The following ARHGEF11 variants were observed in gnomAD, a reference collection of about 807,000 sequenced individuals.
ARHGEF11 encodes the protein Rho guanine exchange factor (GEF) 11.
A neutral mutation model predicts 193.7 loss-of-function variants in ARHGEF11; 55 were observed. That is an observed-to-expected ratio of 0.28 (90% CI 0.23 to 0.36). ARHGEF11 has a LOEUF of 0.36. Ranked by LOEUF, ARHGEF11 falls within the 10% of genes least tolerant of loss-of-function variation. ARHGEF11 has a pLI of 1.00. For synonymous variants in ARHGEF11, 693 were observed against 768.0 expected (o/e 0.90, Z 1.62); for missense variants, 1,723 against 2,005.6 (o/e 0.86, Z 2.69).
chr1:156,970,500 A>T (rs888329225), intron 8 of ARHGEF11, among the ~76,000 whole-genome samples: 2 of 152,226 alleles, frequency 1.3e-5, no homozygotes, highest in Non-Finnish European at 1.5e-5. Flanking sequence ...TGCTGTTTAC[A>T]AAGCACTTTT....
intron 1 of ARHGEF11, among the ~76,000 whole-genome samples, chr1:156,998,183 C>T (rs1238623020): frequency 2.6e-5 from 4 of 152,140 alleles, no homozygotes; most frequent in African/African-American, 4.8e-5. Flanking sequence ...AAGCAGAGCC[C>T]GGCTCTGAGG....
At chr1:156,989,348 TG>T (rs2102523476) in intron 1 of ARHGEF11, among the ~76,000 whole-genome samples, 1 of 152,262 alleles carries the variant, frequency 6.6e-6, no homozygotes, top group South Asian at 2.1e-4. Context: ...GCCTCATGCC[TG>T]GATTACTGAA....
At chr1:157,021,661 CAA>C (rs35766957) in intron 1 of ARHGEF11, among the ~76,000 whole-genome samples, 1 of 152,046 alleles carries the variant, frequency 6.6e-6, no homozygotes, top group Non-Finnish European at 1.5e-5. Context: ...AGACTAAATT[CAA>C]AAGTCTTGCA....
intron 18 of ARHGEF11, 55 bp from the exon 19 acceptor site, chr1:156,956,619 C>A: frequency 6.2e-7 from 1 of 1,606,480 alleles, no homozygotes. Flanking sequence ...CTTCCCTGTG[C>A]CAAACAATCT....
intron 13 of ARHGEF11, 138 bp downstream of exon 13, chr1:156,963,065 C>T (rs1661188190): frequency 9.0e-6 from 6 of 669,236 alleles, no homozygotes; most frequent in South Asian, 7.2e-5. Flanking sequence ...ATCTTCTTGG[C>T]TATTTTGTCT....
chr1:157,007,254 TGA>T (rs1401084974), intron 1 of ARHGEF11, among the ~76,000 whole-genome samples: 1 of 151,782 alleles, frequency 6.6e-6, no homozygotes, highest in African/African-American at 2.4e-5. Context: ...AGCAAGAGAA[TGA>T]GAGAATAAAA....
intron 1 of ARHGEF11, among the ~76,000 whole-genome samples, chr1:157,011,445 C>A (rs1241096381): frequency 5.9e-5 from 9 of 152,078 alleles, no homozygotes; most frequent in Admixed American, 2.0e-4. Flanking sequence ...AGATATGACA[C>A]CAAAAGCATA....
At chr1:156,996,994 T>A (rs937378921) in intron 1 of ARHGEF11, among the ~76,000 whole-genome samples, 2 of 151,320 alleles carry the variant, frequency 1.3e-5, no homozygotes, top group African/African-American at 4.9e-5. Flanking sequence ...CTCAAGTAGC[T>A]GGGATTACAG....
chr1:156,969,972 G>GA, intron 9 of ARHGEF11, 26 bp downstream of exon 9: 1 of 1,612,870 alleles, frequency 6.2e-7, no homozygotes, highest in Non-Finnish European at 8.5e-7. Context: ...ATATGCCAGA[G>GA]AAAAAAGGGG....
rs1662426892 is a variant in ARHGEF11, at chr1:156,971,123, A to G, written c.702+574T>C. Among the ~76,000 whole-genome samples the G allele has an allele frequency of 2.0e-5, 3 of 152,244 alleles. No individual in the cohort carries two copies. The South Asian group carries it at 6.2e-4, about 32-fold the overall frequency. On this transcript the variant is annotated intron_variant, in intron 8 of 40. Transcript: ENST00000368194. The stretch of plus-strand genomic sequence containing the variant: ...TACCCCAAGAATTAAGGCCTGATGG[A>G]GAGCAGTAAGACACTAATAGCAAAG...
chr1:156,996,127 G>A (rs1284605460), intron 1 of ARHGEF11, among the ~76,000 whole-genome samples: 2 of 152,106 alleles, frequency 1.3e-5, no homozygotes, highest in African/African-American at 4.8e-5. Flanking sequence ...AAACTAGAAG[G>A]GTGTTAGCCT....
intron 1 of ARHGEF11, among the ~76,000 whole-genome samples, chr1:157,040,963 T>C (rs889977520): frequency 6.6e-6 from 1 of 152,186 alleles, no homozygotes. Context: ...CTGCTTTACA[T>C]GAGGAAGCCA....
Position 156,944,260 on chromosome 1 carries a change from C to G in ARHGEF11, c.3067+98G>C, listed in dbSNP as rs1333456567. On this transcript the variant is annotated intron_variant, in intron 31 of 40. Coordinates refer to ENST00000368194, the MANE Select transcript of ARHGEF11 (RefSeq NM_198236.3). ...ATTCCCTTCCCATGTCCTGAGCTATCACCTCCAGTCATGTTTCCATGCTTG... is the reference window on the plus strand; with the variant it reads ...ATTCCCTTCCCATGTCCTGAGCTATGACCTCCAGTCATGTTTCCATGCTTG... 7 of 1,462,894 alleles carry G rather than the reference C, an allele frequency of 4.8e-6. No homozygotes were observed. The East Asian group carries it at 1.6e-4, about 33-fold the overall frequency. 90.6% of individuals were successfully genotyped at this position (1,462,894 alleles called of 1,614,324 possible).
At chr1:156,995,342 C>T (rs1326485464) in intron 1 of ARHGEF11, among the ~76,000 whole-genome samples, 1 of 152,166 alleles carries the variant, frequency 6.6e-6, no homozygotes. Flanking sequence ...TGTATCTGGT[C>T]ACCCTCCCTC....
At chr1:157,045,817 C>G (rs1177323734), upstream of ARHGEF11, among the ~76,000 whole-genome samples, 1 of 151,164 alleles carries the variant, frequency 6.6e-6, no homozygotes, top group Admixed American at 6.6e-5. Flanking sequence ...GGCGCAGGCC[C>G]GGCCGGCCGC....
At chr1:156,944,298 G>T in intron 31 of ARHGEF11, 60 bp downstream of exon 31, 2 of 1,549,990 alleles carry the variant, frequency 1.3e-6, no homozygotes, top group Non-Finnish European at 1.8e-6. Context: ...AAAGACAGAA[G>T]AGCCCAGGGA....
chr1:157,002,710 C>T (rs897237569), intron 1 of ARHGEF11, among the ~76,000 whole-genome samples: 1 of 152,118 alleles, frequency 6.6e-6, no homozygotes, highest in African/African-American at 2.4e-5. Flanking sequence ...TAACACAGTG[C>T]TAAGCATATA....
At position 156,945,193 on chromosome 1, in the gene ARHGEF11, G is replaced by A. The variant is rs757339611; in HGVS notation, c.2817C>T (p.Gly939=). The A allele has an allele frequency of 1.9e-6, 3 of 1,613,468 alleles. No individual in the cohort carries two copies. Among genetic ancestry groups the A allele is most frequent in the Non-Finnish European group, 2.5e-6 (3 of 1,179,650 alleles). Residue 939 remains glycine (G), a synonymous_variant, in exon 30 of 41, where the codon GGC becomes GGT. Transcript: ENST00000368194. The part of the protein sequence containing the change: ...LESIIKHTEG[G]TSEHEKLCRA... ...GGCACAGCTTCTCATGCTCAGAGGT[G>A]CCACCTACCAAAATGGACAGAAGAG...
In ARHGEF11 at chr1:156,935,857, C is replaced by T. The variant is rs1654946385; in HGVS notation, c.*143G>A. 5 of 931,018 alleles carry T rather than the reference C, an allele frequency of 5.4e-6. No homozygotes were observed. The highest frequency in any genetic ancestry group is 1.8e-5 in the South Asian group (1 of 55,924). The allele number at this position is 931,018 out of a possible 1,614,324, so 57.7% of individuals were successfully genotyped here. ...CAGACCAAGCAACATGCGGGTCTCC[C>T]CCCGGGCCTTGGCTGGATCCTAGTT... On this transcript the variant is annotated 3_prime_UTR_variant, in exon 41 of 41. Transcript: ENST00000368194.
Sources: gnomAD v4.1 joint callset for allele counts (sites outside exome capture counted in the v4.1 genomes callset) on GRCh38, gnomAD v4.1.1 for gene constraint, MANE v1.5 for transcripts, NCBI Gene and HGNC (gene_info 2026-07-23, HGNC 2026-07-21) for gene names.